The following RGMB variants were observed in gnomAD, a reference collection of about 807,000 sequenced individuals.
The protein encoded by RGMB is repulsive guidance molecule BMP co-receptor b, also known as repulsive guidance molecule B.
A neutral mutation model predicts 26.9 loss-of-function variants in RGMB; 16 were observed. The ratio of observed to expected loss-of-function variants is 0.60; its 90% CI spans 0.40 to 0.90. The LOEUF (loss-of-function observed/expected upper bound fraction) is 0.90. Ranked by LOEUF, RGMB falls within the 40% of genes least tolerant of loss-of-function variation. RGMB has a pLI of 0.00. For missense variants in RGMB, 512 were observed against 573.3 expected (o/e 0.89, Z 1.09); for synonymous variants, 225 against 229.3 (o/e 0.98, Z 0.17).
Position 98,794,197 on chromosome 5 carries a change from T to TA in RGMB, c.*445dup, listed in dbSNP as rs1747043009. Reference sequence around the variant, plus strand: ...CTGATTTGCCACGGTGTGCAGCTTTTACTCGCCACCTTCCGGTGGAGCTGC... The same window carrying TA: ...CTGATTTGCCACGGTGTGCAGCTTTTAACTCGCCACCTTCCGGTGGAGCTGC... On this transcript the variant is annotated 3_prime_UTR_variant, in exon 3 of 3. Coordinates refer to ENST00000513185, the MANE Select transcript of RGMB (RefSeq NM_001366508.1). 2.6e-5 allele frequency: 4 copies of TA among 153,690 alleles called. No homozygotes were observed. Among genetic ancestry groups the TA allele is most frequent in the African/African-American group, 9.6e-5 (4 of 41,464 alleles). The allele number at this position is 153,690 out of a possible 1,614,324, so 9.5% of individuals were successfully genotyped here.
At chr5:98,781,570 A>G (rs1746608646) in intron 2 of RGMB, among the ~76,000 whole-genome samples, 1 of 152,228 alleles carries the variant, frequency 6.6e-6, no homozygotes, top group South Asian at 2.1e-4. Context: ...AGCTGGGAAT[A>G]GTCTTTGGGT....
intron 2 of RGMB, among the ~76,000 whole-genome samples, chr5:98,789,593 GCTGT>G (rs1746864256): frequency 6.6e-6 from 1 of 152,210 alleles, no homozygotes; most frequent in African/African-American, 2.4e-5. Context: ...ATTTGTAGCT[GCTGT>G]CTTTCTCTTC....
In RGMB at chr5:98,779,858, T is replaced by C; in HGVS notation, c.415T>C (p.Cys139Arg). ...STNPEVTHDPCNYHSHAGARE... is the reference protein window; with the variant it reads ...STNPEVTHDPRNYHSHAGARE... ...CAACCCCGAAGTGACCCATGATCCT[T>C]GCAACTATCACAGCCACGCTGGAGC... is the stretch of plus-strand genomic sequence containing the variant. Residue 139 changes from cysteine to arginine, a missense_variant, in exon 2 of 3, where the codon TGC becomes CGC. By Grantham distance (180) the Cys-to-Arg change is radical. Coordinates refer to ENST00000513185, the MANE Select transcript of RGMB (RefSeq NM_001366508.1). 6.2e-7 allele frequency: 1 copy of C among 1,614,010 alleles called. No individual in the cohort carries two copies. Among genetic ancestry groups the C allele is most frequent in the East Asian group, 2.2e-5 (1 of 44,894 alleles).
intron 1 of RGMB, among the ~76,000 whole-genome samples, chr5:98,776,609 T>C (rs888359261): frequency 6.6e-6 from 1 of 152,224 alleles, no homozygotes; most frequent in African/African-American, 2.4e-5. Flanking sequence ...AATTAGTCAT[T>C]ATATAGAAGC....
At position 98,793,837 on chromosome 5, in the gene RGMB, A is replaced by G; in HGVS notation, c.*84A>G. 1 of 1,047,204 alleles carries G rather than the reference A, an allele frequency of 9.5e-7. No individual in the cohort carries two copies. The highest frequency in any genetic ancestry group is 1.3e-6 in the Non-Finnish European group (1 of 740,866). 64.9% of individuals were successfully genotyped at this position (1,047,204 alleles called of 1,614,324 possible). On this transcript the variant is annotated 3_prime_UTR_variant, in exon 3 of 3. Transcript: ENST00000513185. ...ATTGTCATAATATATTGAGTAAAAG[A>G]GTATATATGTATATACCATGTATAT...
chr5:98,793,231 G>T lies in RGMB; in HGVS notation c.792G>T (p.Glu264Asp), dbSNP rs374665061. 4.0e-5 allele frequency: 64 copies of T among 1,613,928 alleles called. No individual in the cohort carries two copies. In the Middle Eastern group the frequency reaches 4.9e-4, roughly 12 times the overall value. ...AGAGCCTGCGTATCGTGGAAAGGGA[G>T]AGTGGCCACTATGTGGAGATGCACG... ...DAKSLRIVER[E>D]SGHYVEMHAR... Residue 264 changes from glutamate to aspartate, a missense_variant, in exon 3 of 3, where the codon GAG becomes GAT. Coordinates refer to ENST00000513185, the MANE Select transcript of RGMB (RefSeq NM_001366508.1).
Position 98,793,534 on chromosome 5 carries a change from G to A in RGMB, c.1095G>A (p.Lys365=), listed in dbSNP as rs1481780274. 2 of 1,613,858 alleles carry A rather than the reference G, an allele frequency of 1.2e-6. No individual in the cohort carries two copies. The highest frequency in any genetic ancestry group is 1.7e-6 in the Non-Finnish European group (2 of 1,179,876). ...NTQCHEKMPV[K]DIYFQSCVFD... ...AATGCCATGAGAAGATGCCAGTGAA[G>A]GACATCTATTTCCAGTCCTGTGTCT... Residue 365 remains lysine (K), a synonymous_variant, in exon 3 of 3, where the codon AAG becomes AAA. Coordinates refer to ENST00000513185, the MANE Select transcript of RGMB (RefSeq NM_001366508.1).
intron 2 of RGMB, among the ~76,000 whole-genome samples, chr5:98,787,200 CT>C (rs1746790565): frequency 6.6e-6 from 1 of 152,248 alleles, no homozygotes; most frequent in Non-Finnish European, 1.5e-5. Flanking sequence ...ATTCTAACCA[CT>C]TCATTCCTGA....
chr5:98,773,922 G>A lies in RGMB; in HGVS notation c.-149G>A, dbSNP rs1746277081. 4 of 556,062 alleles carry A rather than the reference G, an allele frequency of 7.2e-6. No individual in the cohort carries two copies. The highest frequency in any genetic ancestry group is 1.3e-5 in the Non-Finnish European group (4 of 314,710). 34.4% of individuals were successfully genotyped at this position (556,062 alleles called of 1,614,324 possible). A position where few individuals can be genotyped will look rare whatever the true frequency, so the allele number is the denominator to read the frequency against. Reference sequence around the variant, plus strand: ...CTGCGCGCTGCTTGCTGCGGCGGTGGTGGCGCCCCATCTGCTACACGGGCC... The same window carrying A: ...CTGCGCGCTGCTTGCTGCGGCGGTGATGGCGCCCCATCTGCTACACGGGCC... On this transcript the variant is annotated 5_prime_UTR_variant, in exon 1 of 3. The change creates a new upstream start codon in the 5' untranslated region. Transcript: ENST00000513185.
At chr5:98,792,221 C>T (rs1746951707) in intron 2 of RGMB, among the ~76,000 whole-genome samples, 1 of 152,140 alleles carries the variant, frequency 6.6e-6, no homozygotes, top group South Asian at 2.1e-4. Flanking sequence ...CTCTTTCTCT[C>T]TGTATTTCGA....
At position 98,774,017 on chromosome 5, in the gene RGMB, A is replaced by C. The variant is rs1340058756; in HGVS notation, c.-54A>C. 1.1e-5 allele frequency: 7 copies of C among 662,254 alleles called. No homozygotes were observed. The highest frequency in any genetic ancestry group is 1.8e-5 in the Non-Finnish European group (7 of 380,208). 41.0% of individuals were successfully genotyped at this position (662,254 alleles called of 1,614,324 possible). A position where few individuals can be genotyped will look rare whatever the true frequency, so the allele number is the denominator to read the frequency against. On this transcript the variant is annotated 5_prime_UTR_variant, in exon 1 of 3. Transcript: ENST00000513185. Reference sequence around the variant, plus strand: ...CCGCAGCCACGGGCCCAGACCCGCCACGGCGCCCGCGCCGCCGCCCTCGCC... The same window carrying C: ...CCGCAGCCACGGGCCCAGACCCGCCCCGGCGCCCGCGCCGCCGCCCTCGCC...
intron 2 of RGMB, among the ~76,000 whole-genome samples, chr5:98,792,208 CA>C (rs1746951157): frequency 6.6e-6 from 1 of 152,208 alleles, no homozygotes; most frequent in Non-Finnish European, 1.5e-5. Context: ...GCCCCCTCCT[CA>C]ACTCTTTCTC....
At chr5:98,774,284 G>T in intron 1 of RGMB, 78 bp downstream of exon 1, 1 of 1,295,992 alleles carries the variant, frequency 7.7e-7, no homozygotes, top group East Asian at 3.2e-5. Context: ...TCTCGAAGGC[G>T]CTCGCCGGGG....
chr5:98,769,231 C>T, upstream of RGMB: 1 of 132,956 alleles, frequency 7.5e-6, no homozygotes, highest in Non-Finnish European at 1.6e-5. Context: ...CGGATAGCGC[C>T]GGCAGGGGGC....
upstream of RGMB, chr5:98,772,540 G>A (rs1260322855): frequency 6.6e-6 from 1 of 152,188 alleles, no homozygotes; most frequent in Non-Finnish European, 1.5e-5. Flanking sequence ...GTGCTGTTTG[G>A]GGAAAGGCAA....
intron 2 of RGMB, 124 bp downstream of exon 2, chr5:98,780,212 T>TGATAAAGGGTTAA: frequency 1.2e-6 from 1 of 822,140 alleles, no homozygotes; most frequent in South Asian, 1.9e-5. Context: ...GAAAAGCAAT[T>TGATAAAGGGTTAA]AACAGTTGAT....
chr5:98,770,292 G>C (rs762856806), upstream of RGMB: 1 of 253,384 alleles, frequency 3.9e-6, no homozygotes, highest in Non-Finnish European at 7.4e-6. Context: ...AGCTGGTAAA[G>C]CTTTTAAGGC....
In RGMB at chr5:98,793,853, C is replaced by T; in HGVS notation, c.*100C>T. On this transcript the variant is annotated 3_prime_UTR_variant, in exon 3 of 3. Coordinates refer to ENST00000513185, the MANE Select transcript of RGMB (RefSeq NM_001366508.1). ...GAGTAAAAGAGTATATATGTATATA[C>T]CATGTATATGACAGGATGTTTGTCC... 1 of 909,048 alleles carries T rather than the reference C, an allele frequency of 1.1e-6. No individual in the cohort carries two copies. The highest frequency in any genetic ancestry group is 1.6e-6 in the Non-Finnish European group (1 of 619,846). 56.3% of individuals were successfully genotyped at this position (909,048 alleles called of 1,614,324 possible). A position where few individuals can be genotyped will look rare whatever the true frequency, so the allele number is the denominator to read the frequency against.
At chr5:98,776,374 AT>A (rs965493719) in intron 1 of RGMB, among the ~76,000 whole-genome samples, 25 of 152,086 alleles carry the variant, frequency 1.6e-4, no homozygotes, top group Middle Eastern at 3.4e-3. Flanking sequence ...ATTTTATTTT[AT>A]TTTTTTTAAG....
Sources: gnomAD v4.1 joint callset for allele counts (sites outside exome capture counted in the v4.1 genomes callset) on GRCh38, gnomAD v4.1.1 for gene constraint, MANE v1.5 for transcripts, NCBI Gene and HGNC (gene_info 2026-07-23, HGNC 2026-07-21) for gene names.